Variants in MRPS35 observed in about 807,000 individuals in gnomAD.
The protein encoded by MRPS35 is mitochondrial ribosomal protein S35, also known as small ribosomal subunit protein mS35.
Under a neutral mutation model 32.7 loss-of-function variants are expected in MRPS35, and 29 were observed. The ratio of observed to expected loss-of-function variants is 0.89; its 90% confidence interval spans 0.66 to 1.21. The LOEUF (loss-of-function observed/expected upper bound fraction) is 1.21, where lower values mean the gene tolerates loss of function less well. Ranked by LOEUF, MRPS35 falls within the 50% of genes most tolerant of loss-of-function variation. The pLI, the probability that MRPS35 is intolerant of heterozygous loss-of-function variation, is 0.00. For synonymous variants in MRPS35, 148 were observed against 139.3 expected (o/e 1.06, Z -0.44); for missense variants, 373 against 383.8 (o/e 0.97, Z 0.23).
intron 5 of MRPS35, among the ~76,000 whole-genome samples, chr12:27,724,922 CTTTAA>C (rs1478710650): frequency 2.6e-5 from 4 of 152,024 alleles, no homozygotes; most frequent in African/African-American, 9.7e-5. Flanking sequence ...ATTAAACATT[CTTTAA>C]TTTAATTTGA....
At chr12:27,751,722 C>G (rs144684809) in intron 7 of MRPS35, among the ~76,000 whole-genome samples, 94 of 152,350 alleles carry the variant, frequency 6.2e-4, no homozygotes, top group African/African-American at 2.2e-3. Flanking sequence ...GCACAAGAGC[C>G]ATGTTGAGCC....
At chr12:27,713,960 G>A (rs2061838679) in intron 1 of MRPS35, among the ~76,000 whole-genome samples, 1 of 151,660 alleles carries the variant, frequency 6.6e-6, no homozygotes. Flanking sequence ...TTTAGTCCTA[G>A]CTACTTGGGG....
chr12:27,718,277 A>G (rs1363702140), intron 3 of MRPS35, among the ~76,000 whole-genome samples: 1 of 152,128 alleles, frequency 6.6e-6, no homozygotes, highest in Non-Finnish European at 1.5e-5. Flanking sequence ...CTACAAAAAA[A>G]TTAGCCAAGT....
chr12:27,747,163 T>G (rs1489264705), intron 7 of MRPS35, among the ~76,000 whole-genome samples: 1 of 152,230 alleles, frequency 6.6e-6, no homozygotes, highest in Non-Finnish European at 1.5e-5. Flanking sequence ...AATATGTTCT[T>G]TCATAACTTT....
At chr12:27,724,969 A>G (rs2061893753) in intron 5 of MRPS35, among the ~76,000 whole-genome samples, 1 of 152,164 alleles carries the variant, frequency 6.6e-6, no homozygotes, top group African/African-American at 2.4e-5. Flanking sequence ...ACAGGCAGAG[A>G]GTAGTGGCAC....
chr12:27,741,244 G>A (rs1341600035), intron 7 of MRPS35, among the ~76,000 whole-genome samples: 5 of 152,204 alleles, frequency 3.3e-5, no homozygotes, highest in Admixed American at 2.0e-4. Flanking sequence ...TTAGTATTAC[G>A]TATTGTTAGC....
At chr12:27,754,123 G>A (rs1461608017) in intron 7 of MRPS35, among the ~76,000 whole-genome samples, 2 of 152,038 alleles carry the variant, frequency 1.3e-5, no homozygotes, top group African/African-American at 2.4e-5. Flanking sequence ...GCGTGGTGGT[G>A]GGCGCCTGTA....
In MRPS35 at chr12:27,755,137, C is replaced by G. The variant is rs546518905; in HGVS notation, c.703-44C>G. The G allele has an allele frequency of 2.7e-6, 4 of 1,458,734 alleles. No individual in the cohort carries two copies. The East Asian group carries it at 9.6e-5, about 35-fold the overall frequency. 90.4% of individuals were successfully genotyped at this position (1,458,734 alleles called of 1,614,324 possible). On this transcript the variant is annotated intron_variant, in intron 7 of 7. Transcript: ENST00000081029. ...AGAAACAAACAAACATTTGATATTTCTCAGAATTCAGAACTCATTTTTTTT... is the reference window on the plus strand; with the variant it reads ...AGAAACAAACAAACATTTGATATTTGTCAGAATTCAGAACTCATTTTTTTT...
At chr12:27,743,479 G>A (rs2061971455) in intron 7 of MRPS35, among the ~76,000 whole-genome samples, 1 of 152,118 alleles carries the variant, frequency 6.6e-6, no homozygotes, top group Non-Finnish European at 1.5e-5. Context: ...AGTGAGCCGA[G>A]ATGGCGCCAC....
intron 7 of MRPS35, 42 bp from the exon 8 acceptor site, chr12:27,755,139 C>T: frequency 6.9e-7 from 1 of 1,458,134 alleles, no homozygotes; most frequent in East Asian, 2.4e-5. Context: ...TGATATTTCT[C>T]AGAATTCAGA....
At position 27,710,834 on chromosome 12, in the gene MRPS35, C is replaced by T; in HGVS notation, c.-10C>T. On this transcript the variant is annotated 5_prime_UTR_variant, in exon 1 of 8. Transcript: ENST00000081029. ...CCGCTTGTCCCCTCCGGCTTGCCGT[C>T]CTCGCAGCCATGGCGGCCGCCGCGC... The T allele has an allele frequency of 6.2e-7, 1 of 1,601,648 alleles. No individual in the cohort carries two copies. The highest frequency in any genetic ancestry group is 8.5e-7 in the Non-Finnish European group (1 of 1,178,100).
At chr12:27,711,014 C>T (rs2140746633) in intron 1 of MRPS35, 59 bp downstream of exon 1, 3 of 1,499,656 alleles carry the variant, frequency 2.0e-6, no homozygotes, top group East Asian at 2.4e-5. Flanking sequence ...GGAATACCGG[C>T]CTCATGAAGG....
At chr12:27,721,960 A>G (rs1027606849) in intron 4 of MRPS35, among the ~76,000 whole-genome samples, 2 of 152,164 alleles carry the variant, frequency 1.3e-5, no homozygotes, top group African/African-American at 4.8e-5. Context: ...GTGATGGCGC[A>G]TGCCTGTGGT....
Position 27,716,294 on chromosome 12 carries a change from C to T in MRPS35, c.157C>T (p.Leu53=). The part of the protein sequence containing the change: ...GNERPPRRKA[L]PPRTEKMAVD... ...TAAACGATTTTATATTTCTTAGGCA[C>T]TACCTCCTAGGACAGAGAAAATGGC... The change falls in exon 3 of 8, where the codon CTA becomes TTA. Residue 53 remains leucine (L), a synonymous_variant. Coordinates refer to ENST00000081029, the MANE Select transcript of MRPS35 (RefSeq NM_021821.4). The T allele has an allele frequency of 3.2e-6, 5 of 1,567,290 alleles. No homozygotes were observed. Among genetic ancestry groups the T allele is most frequent in the South Asian group, 1.2e-5 (1 of 81,048 alleles).
intron 1 of MRPS35, among the ~76,000 whole-genome samples, chr12:27,714,328 C>T (rs2061840756): frequency 6.6e-6 from 1 of 151,900 alleles, no homozygotes; most frequent in African/African-American, 2.4e-5. Flanking sequence ...TGGCTCACAC[C>T]TGCCCACCGC....
chr12:27,716,179 C>T (rs2061849627), intron 2 of MRPS35, 112 bp from the exon 3 acceptor site: 8 of 1,025,402 alleles, frequency 7.8e-6, no homozygotes, highest in African/African-American at 1.6e-5. Flanking sequence ...ACATATGTTG[C>T]AATTTTGCTT....
chr12:27,712,967 A>T (rs1354551227), intron 1 of MRPS35, among the ~76,000 whole-genome samples: 1 of 152,222 alleles, frequency 6.6e-6, no homozygotes, highest in African/African-American at 2.4e-5. Context: ...AGTGAGCCGT[A>T]ATCGCACCAC....
chr12:27,747,395 T>G (rs193226146), intron 7 of MRPS35, among the ~76,000 whole-genome samples: 11 of 152,340 alleles, frequency 7.2e-5, no homozygotes, highest in Admixed American at 5.9e-4. Context: ...TATATATTCA[T>G]TCATCTTTAT....
In MRPS35 at chr12:27,744,994, C is replaced by T. The variant is rs11610859; in HGVS notation, c.702+7386C>T. On this transcript the variant is annotated intron_variant, in intron 7 of 7. Coordinates refer to ENST00000081029, the MANE Select transcript of MRPS35 (RefSeq NM_021821.4). The stretch of plus-strand genomic sequence containing the variant: ...ACAGTGAGGCGGGGTCTCACTCTTT[C>T]GCCCAGACTGGAGTGCAGTGGCGTG... Among the ~76,000 whole-genome samples, 628 of 152,242 alleles carry T rather than the reference C, an allele frequency of 4.1e-3. 2 individuals carry two copies. The highest frequency in any genetic ancestry group is 7.3e-3 in the Admixed American group (111 of 15,282).
Sources: gnomAD v4.1 joint callset for allele counts (sites outside exome capture counted in the v4.1 genomes callset) on GRCh38, gnomAD v4.1.1 for gene constraint, MANE v1.5 for transcripts, NCBI Gene and HGNC (gene_info 2026-07-23, HGNC 2026-07-21) for gene names.